Variants in VPS13B observed in about 807,000 individuals in gnomAD.
VPS13B encodes the protein intermembrane lipid transfer protein VPS13B.
VPS13B carries 285 observed loss-of-function variants against 426.4 expected under a neutral mutation model. The ratio of observed to expected loss-of-function variants is 0.67; its 90% CI spans 0.61 to 0.74. VPS13B has a LOEUF of 0.74. Ranked by LOEUF, VPS13B falls within the 30% of genes least tolerant of loss-of-function variation. VPS13B has a pLI of 0.00. For synonymous variants in VPS13B, 1,676 were observed against 1,676.4 expected, an observed-to-expected ratio of 1.00 and a Z score of 0.01; for missense variants, 4,537 against 4,782.6, an observed-to-expected ratio of 0.95 and a Z score of 1.51.
intron 30 of VPS13B, among the ~76,000 whole-genome samples, chr8:99,521,838 G>A (rs1437567097): frequency 3.3e-5 from 5 of 151,986 alleles, no homozygotes; most frequent in Non-Finnish European, 2.9e-5. Flanking sequence ...AGAGGGTGAT[G>A]GCTATTTTTA....
In VPS13B at chr8:99,812,792, C is replaced by T. The variant is rs538877995; in HGVS notation, c.8097+3262C>T. 1.6e-3 allele frequency among the ~76,000 whole-genome samples: 243 copies of T among 152,168 alleles called. 3 individuals carry two copies. The highest frequency in any genetic ancestry group is 3.4e-3 in the Middle Eastern group (1 of 294). Reference sequence around the variant, plus strand: ...ATACTTTTAATCATGTTTAAGATATCGTTTTCCAGTGCATCTGGTGCTCTG... The same window carrying T: ...ATACTTTTAATCATGTTTAAGATATTGTTTTCCAGTGCATCTGGTGCTCTG... On this transcript the variant is annotated intron_variant, in intron 44 of 61. Coordinates refer to ENST00000357162, the MANE Select transcript of VPS13B (RefSeq NM_152564.5).
intron 19 of VPS13B, among the ~76,000 whole-genome samples, chr8:99,280,471 C>T (rs1182285637): frequency 6.6e-6 from 1 of 152,176 alleles, no homozygotes. Flanking sequence ...CATTTTATCT[C>T]CAGGGCCTAT....
intron 19 of VPS13B, among the ~76,000 whole-genome samples, chr8:99,367,855 T>C (rs1812975402): frequency 6.6e-6 from 1 of 152,166 alleles, no homozygotes; most frequent in Non-Finnish European, 1.5e-5. Flanking sequence ...GGTTTCGCCA[T>C]GTTGGCCAGG....
chr8:99,577,503 G>C lies in VPS13B; in HGVS notation c.5090G>C (p.Cys1697Ser). Reference sequence around the variant, plus strand: ...TTTTTGCTTCAGGAGATTTTAGTGTGTGGCCATTCCTTAGAAGTGAATATA... The same window carrying C: ...TTTTTGCTTCAGGAGATTTTAGTGTCTGGCCATTCCTTAGAAGTGAATATA... ...ENLHTEEILV[C>S]GHSLEVNITT... is the part of the protein sequence containing the mutation. Residue 1697 changes from cysteine (C) to serine (S), a missense_variant, in exon 33 of 62, where the codon TGT (cysteine) becomes TCT (serine). Physicochemically the swap from Cys to Ser is moderately radical, Grantham distance 112. This residue lies in a region of VPS13B where 4,311 missense variants were observed against 4,474.3 expected (regional missense o/e 0.96). Transcript: ENST00000357162. 6.2e-7 allele frequency: 1 copy of C among 1,613,780 alleles called. No individual in the cohort carries two copies. The highest frequency in any genetic ancestry group is 8.5e-7 in the Non-Finnish European group (1 of 1,179,728).
At chr8:99,847,174 G>C (rs1225244541) in intron 54 of VPS13B, among the ~76,000 whole-genome samples, 1 of 152,104 alleles carries the variant, frequency 6.6e-6, no homozygotes, top group Non-Finnish European at 1.5e-5. Flanking sequence ...AACAAATAGG[G>C]CAAATTCAGA....
chr8:99,103,493 CTTTTTTTTT>C (rs71273162), intron 5 of VPS13B, among the ~76,000 whole-genome samples: 8 of 49,540 alleles, frequency 1.6e-4, no homozygotes, highest in African/African-American at 7.2e-4. Flanking sequence ...CTATGCCCGG[CTTTTTTTTT>C]TTTTTTTTTT....
At chr8:99,813,607 T>C (rs1009511437) in intron 44 of VPS13B, among the ~76,000 whole-genome samples, 1 of 152,238 alleles carries the variant, frequency 6.6e-6, no homozygotes, top group Admixed American at 6.5e-5. Context: ...TTTTATGGTT[T>C]GTTATTGTGA....
At position 99,695,024 on chromosome 8, in the gene VPS13B, C is replaced by T. The variant is rs1447174251; in HGVS notation, c.6047-4501C>T. ...TATCATCTCACACCAGTTAGAATGG[C>T]AATCATTAAAAAGTCAGGAAACAAC... On this transcript the variant is annotated intron_variant, in intron 35 of 61. Coordinates refer to ENST00000357162, the MANE Select transcript of VPS13B (RefSeq NM_152564.5). Among the ~76,000 whole-genome samples, 28 of 147,022 alleles carry T rather than the reference C, an allele frequency of 1.9e-4. 1 individual carries two copies. The South Asian group carries it at 6.0e-3, about 31-fold the overall frequency.
At chr8:99,195,899 C>T (rs530797613) in intron 17 of VPS13B, among the ~76,000 whole-genome samples, 1 of 152,104 alleles carries the variant, frequency 6.6e-6, no homozygotes, top group Admixed American at 6.5e-5. Flanking sequence ...TGGATTCTGT[C>T]TTGTTTTGTA....
At chr8:99,837,185 A>C (rs1815441980) in intron 54 of VPS13B, among the ~76,000 whole-genome samples, 2 of 152,148 alleles carry the variant, frequency 1.3e-5, no homozygotes, top group African/African-American at 2.4e-5. Flanking sequence ...GTAGCTGTGG[A>C]AACTGGTGAA....
At chr8:99,660,466 A>G (rs1830179370) in intron 34 of VPS13B, among the ~76,000 whole-genome samples, 1 of 152,160 alleles carries the variant, frequency 6.6e-6, no homozygotes, top group Non-Finnish European at 1.5e-5. Flanking sequence ...CATCCCTATA[A>G]AACTGACATT....
At chr8:99,497,975 AAAAT>A (rs984283533) in intron 25 of VPS13B, among the ~76,000 whole-genome samples, 1 of 152,152 alleles carries the variant, frequency 6.6e-6, no homozygotes, top group Non-Finnish European at 1.5e-5. Context: ...ATCTATGAAA[AAAAT>A]AAATATATCA....
At chr8:99,685,998 C>T (rs1224046010) in intron 35 of VPS13B, among the ~76,000 whole-genome samples, 1 of 152,158 alleles carries the variant, frequency 6.6e-6, no homozygotes, top group Non-Finnish European at 1.5e-5. Flanking sequence ...CTTAGGAAGG[C>T]TTTCCAGGTA....
intron 33 of VPS13B, among the ~76,000 whole-genome samples, chr8:99,640,009 AT>A (rs1829254312): frequency 8.7e-6 from 1 of 114,926 alleles, no homozygotes; most frequent in Non-Finnish European, 1.7e-5. Flanking sequence ...AATAATAATA[AT>A]AATAATAATA....
intron 33 of VPS13B, 106 bp from the exon 34 acceptor site, chr8:99,641,705 G>A: frequency 9.0e-7 from 1 of 1,110,070 alleles, no homozygotes; most frequent in Non-Finnish European, 1.3e-6. Context: ...AGTTATACTA[G>A]ACTCATTTTT....
intron 17 of VPS13B, among the ~76,000 whole-genome samples, chr8:99,215,608 T>G (rs1338335491): frequency 6.6e-6 from 1 of 152,184 alleles, no homozygotes. Context: ...CTGCCTCCTG[T>G]GAAGGCACAG....
At chr8:99,335,333 G>C (rs932622290) in intron 19 of VPS13B, among the ~76,000 whole-genome samples, 4 of 152,004 alleles carry the variant, frequency 2.6e-5, no homozygotes, top group South Asian at 4.2e-4. Flanking sequence ...AATTTTTGAA[G>C]GGTTTTTTGT....
chr8:99,534,799 CATTA>C (rs1270372126), intron 30 of VPS13B, among the ~76,000 whole-genome samples: 4 of 152,070 alleles, frequency 2.6e-5, no homozygotes, highest in African/African-American at 7.2e-5. Context: ...GCATTTTTCT[CATTA>C]ATAACAAAGA....
chr8:99,776,659 T>C, intron 40 of VPS13B, 116 bp from the exon 41 acceptor site: 3 of 956,566 alleles, frequency 3.1e-6, no homozygotes, highest in Non-Finnish European at 4.9e-6. Flanking sequence ...TTTGATAAAA[T>C]ATTGACTATA....
Sources: allele counts gnomAD v4.1 joint callset (sites outside exome capture counted in the v4.1 genomes callset), GRCh38; gene constraint gnomAD v4.1.1; regional missense constraint gnomAD v4.1.1; transcripts MANE v1.5; gene names NCBI Gene and HGNC (gene_info 2026-07-23, HGNC 2026-07-21).